Variants in CSMD1 observed in about 807,000 individuals in gnomAD.
CSMD1 encodes CUB and sushi domain-containing protein 1.
In CSMD1, 213 loss-of-function variants were observed where a neutral mutation model predicts 417.5. The observed-to-expected ratio is 0.51, with a 90% CI of 0.46 to 0.57. CSMD1 has a LOEUF of 0.57. Among genes scored for constraint, CSMD1 ranks in the 20% least tolerant of loss-of-function variants. The pLI is 0.00. For missense variants in CSMD1, 6,923 were observed against 4,529.7 expected, an observed-to-expected ratio of 1.53 and a Z score of -15.17; for synonymous variants, 2,862 against 1,736.8, an observed-to-expected ratio of 1.65 and a Z score of -16.11.
intron 40 of CSMD1, among the ~76,000 whole-genome samples, chr8:3,146,796 G>A (rs936161589): frequency 6.6e-6 from 1 of 152,150 alleles, no homozygotes; most frequent in Non-Finnish European, 1.5e-5. Context: ...CCAGTTAATC[G>A]CTTTTGCTTA....
At chr8:3,685,038 T>A (rs948995390) in intron 7 of CSMD1, among the ~76,000 whole-genome samples, 2 of 152,148 alleles carry the variant, frequency 1.3e-5, no homozygotes, top group Admixed American at 1.3e-4. Context: ...ATCAGCATCA[T>A]CCAAGCCCAG....
chr8:3,291,086 G>A (rs898798108), intron 25 of CSMD1, among the ~76,000 whole-genome samples: 1 of 152,166 alleles, frequency 6.6e-6, no homozygotes, highest in Admixed American at 6.5e-5. Context: ...AGATAATCAT[G>A]TGGTTTTTGT....
intron 3 of CSMD1, among the ~76,000 whole-genome samples, chr8:4,124,665 C>G (rs1321186249): frequency 6.6e-6 from 1 of 152,170 alleles, no homozygotes; most frequent in Non-Finnish European, 1.5e-5. Flanking sequence ...GACTAAGTGG[C>G]TAATCTGGCT....
At chr8:4,404,959 G>A (rs1804906384) in intron 3 of CSMD1, among the ~76,000 whole-genome samples, 1 of 152,158 alleles carries the variant, frequency 6.6e-6, no homozygotes, top group Admixed American at 6.5e-5. Flanking sequence ...TTGGAAATAT[G>A]GAAACCGAGG....
intron 2 of CSMD1, among the ~76,000 whole-genome samples, chr8:4,547,495 C>T (rs1797688488): frequency 6.6e-6 from 1 of 152,184 alleles, no homozygotes. Context: ...TTTCTGGCCT[C>T]TTTTTTTCTA....
At chr8:4,539,052 T>A (rs575330899) in intron 2 of CSMD1, among the ~76,000 whole-genome samples, 11 of 152,330 alleles carry the variant, frequency 7.2e-5, no homozygotes, top group African/African-American at 2.4e-4. Context: ...CAGTGTTAGG[T>A]GCCAGAAAAA....
At chr8:3,211,797 C>G (rs775096204) in intron 30 of CSMD1, among the ~76,000 whole-genome samples, 5 of 152,262 alleles carry the variant, frequency 3.3e-5, no homozygotes, top group African/African-American at 1.2e-4. Flanking sequence ...AGACCTTGGA[C>G]AGCAGCTCAC....
At chr8:4,218,478 C>T (rs1434638456) in intron 3 of CSMD1, among the ~76,000 whole-genome samples, 1 of 152,202 alleles carries the variant, frequency 6.6e-6, no homozygotes, top group Non-Finnish European at 1.5e-5. Context: ...TCAACCTCCA[C>T]TTGCTGTATG....
rs113330729 is a variant in CSMD1 at position 4,340,651 on chromosome 8, G to A, written c.415+79302C>T. Among the ~76,000 whole-genome samples, 386 of 152,130 alleles carry A rather than the reference G, an allele frequency of 2.5e-3. 3 individuals carry two copies. Among genetic ancestry groups the A allele is most frequent in the African/African-American group, 8.5e-3 (353 of 41,520 alleles). On this transcript the variant is annotated intron_variant, in intron 3 of 69. Transcript: ENST00000635120. The stretch of plus-strand genomic sequence containing the variant: ...CCAATGAGCCAAGTGGAGCTTGGTC[G>A]TGAATTATATTAACCTAGAGAGTAG...
intron 2 of CSMD1, among the ~76,000 whole-genome samples, chr8:4,591,034 G>A (rs1005263008): frequency 3.3e-5 from 5 of 152,116 alleles, no homozygotes. Flanking sequence ...TCAATTGCAT[G>A]TTTCTCTGAA....
chr8:4,261,800 A>C (rs750937877), intron 3 of CSMD1, among the ~76,000 whole-genome samples: 5 of 152,102 alleles, frequency 3.3e-5, no homozygotes, highest in Admixed American at 2.0e-4. Context: ...AATGGTAATC[A>C]TTTCTCAATA....
At chr8:3,259,426 GTGAATGAA>G (rs35622979) in intron 26 of CSMD1, among the ~76,000 whole-genome samples, 1 of 151,398 alleles carries the variant, frequency 6.6e-6, no homozygotes, top group African/African-American at 2.4e-5. Flanking sequence ...GAATGAATGA[GTGAATGAA>G]TGAATGAATG....
At chr8:2,968,868 T>C (rs1056610676) in intron 57 of CSMD1, among the ~76,000 whole-genome samples, 5 of 152,188 alleles carry the variant, frequency 3.3e-5, no homozygotes, top group Non-Finnish European at 7.4e-5. Flanking sequence ...AATATGCTTT[T>C]ATAAAAAGTA....
intron 3 of CSMD1, among the ~76,000 whole-genome samples, chr8:4,119,229 C>T (rs375323171): frequency 1.3e-5 from 2 of 151,954 alleles, no homozygotes; most frequent in East Asian, 3.9e-4. Context: ...GCACATTCTG[C>T]ACATGTGTCC....
At chr8:4,124,013 A>C (rs969088556) in intron 3 of CSMD1, among the ~76,000 whole-genome samples, 5 of 152,334 alleles carry the variant, frequency 3.3e-5, no homozygotes, top group Non-Finnish European at 4.4e-5. Context: ...TTAATGGATT[A>C]TCTAACTTTT....
intron 3 of CSMD1, among the ~76,000 whole-genome samples, chr8:4,407,934 C>T (rs774238857): frequency 2.6e-5 from 4 of 152,110 alleles, no homozygotes; most frequent in Non-Finnish European, 5.9e-5. Flanking sequence ...GCATCTTATT[C>T]CTGCACAAAA....
At chr8:4,913,395 T>TTCCTAATTCCTAGTAA (rs1238708347) in intron 1 of CSMD1, among the ~76,000 whole-genome samples, 1 of 152,186 alleles carries the variant, frequency 6.6e-6, no homozygotes, top group East Asian at 1.9e-4. Context: ...CTTGATTGTT[T>TTCCTAATTCCTAGTAA]TCCTAATTCC....
chr8:4,844,380 T>C (rs1585200810), intron 1 of CSMD1, among the ~76,000 whole-genome samples: 1 of 152,078 alleles, frequency 6.6e-6, no homozygotes, highest in Non-Finnish European at 1.5e-5. Flanking sequence ...GCCCTTCCCA[T>C]AGGAAATTAA....
chr8:4,858,196 C>T (rs990141783), intron 1 of CSMD1, among the ~76,000 whole-genome samples: 3 of 148,660 alleles, frequency 2.0e-5, no homozygotes, highest in African/African-American at 7.5e-5. Context: ...CAGAAAAAGC[C>T]TTTGACAAAA....
Sources: gnomAD v4.1 joint callset for allele counts (sites outside exome capture counted in the v4.1 genomes callset) on GRCh38, gnomAD v4.1.1 for gene constraint, MANE v1.5 for transcripts, NCBI Gene and HGNC (gene_info 2026-07-23, HGNC 2026-07-21) for gene names.